ASXL2: variants seen among roughly 807,000 people sequenced by gnomAD.
ASXL2 encodes ASXL transcriptional regulator 2, also known as putative Polycomb group protein ASXL2.
ASXL2 carries 23 observed loss-of-function variants against 122.0 expected under a neutral mutation model. The observed-to-expected ratio is 0.19, with a 90% CI of 0.14 to 0.27. The LOEUF is 0.27. ASXL2 is among the 10% of genes least tolerant of loss of function. The pLI is 1.00. For missense variants in ASXL2, 1,518 were observed against 1,713.8 expected (o/e 0.89, Z 2.02); for synonymous variants, 650 against 637.0 (o/e 1.02, Z -0.31).
chr2:25,752,368 C>T (rs1445137507), intron 11 of ASXL2, among the ~76,000 whole-genome samples: 1 of 152,148 alleles, frequency 6.6e-6, no homozygotes, highest in African/African-American at 2.4e-5. Flanking sequence ...TAGGCTACAG[C>T]CTCTTTTAAA....
chr2:25,791,404 T>C (rs1409205993), intron 5 of ASXL2, among the ~76,000 whole-genome samples: 1 of 151,810 alleles, frequency 6.6e-6, no homozygotes, highest in Non-Finnish European at 1.5e-5. Context: ...GGAGAATAGC[T>C]TGAACCCACG....
At chr2:25,838,503 A>C (rs968564471) in intron 2 of ASXL2, among the ~76,000 whole-genome samples, 1 of 152,232 alleles carries the variant, frequency 6.6e-6, no homozygotes, top group African/African-American at 2.4e-5. Flanking sequence ...ATCAATGCCC[A>C]AAATCCCAGA....
In ASXL2 at chr2:25,815,229, T is replaced by A. The variant is rs1277284131; in HGVS notation, c.144-8892A>T. Among the ~76,000 whole-genome samples the A allele has an allele frequency of 2.0e-5, 3 of 152,260 alleles. No homozygotes were observed. In the East Asian group the frequency reaches 5.8e-4, roughly 29 times the overall value. On this transcript the variant is annotated intron_variant, in intron 3 of 12. Coordinates refer to ENST00000435504, the MANE Select transcript of ASXL2 (RefSeq NM_018263.6). ...ATATCATAATGTTCTTAGTATAAAG[T>A]ACAAAATTATCAAAATAATCTGACC...
chr2:25,878,294 C>A lies in ASXL2; in HGVS notation c.-72G>T. On this transcript the variant is annotated 5_prime_UTR_variant, in exon 1 of 13. Coordinates refer to ENST00000435504, the MANE Select transcript of ASXL2 (RefSeq NM_018263.6). ...CGCCCTCCCTGCCTGCTCTGCCCTG[C>A]GCTGCTTTTCCCGCGGTGCCGGGAA... 6.6e-7 allele frequency: 1 copy of A among 1,523,936 alleles called. No homozygotes were observed. The highest frequency in any genetic ancestry group is 1.7e-5 in the Admixed American group (1 of 57,256). 94.4% of individuals were successfully genotyped at this position (1,523,936 alleles called of 1,614,324 possible). A position where few individuals can be genotyped will look rare whatever the true frequency, so the allele number is the denominator to read the frequency against.
chr2:25,740,761 G>A lies in ASXL2; in HGVS notation c.*1268C>T, dbSNP rs2087814140. The A allele has an allele frequency of 4.9e-6, 1 of 203,754 alleles. No individual in the cohort carries two copies. The highest frequency in any genetic ancestry group is 1.0e-5 in the Non-Finnish European group (1 of 99,552). 12.6% of individuals were successfully genotyped at this position (203,754 alleles called of 1,614,324 possible). A position where few individuals can be genotyped will look rare whatever the true frequency, so the allele number is the denominator to read the frequency against. On this transcript the variant is annotated 3_prime_UTR_variant, in exon 13 of 13. Transcript: ENST00000435504. The stretch of plus-strand genomic sequence containing the variant: ...TTCCATTAGAAATTTCTAGTGCTCA[G>A]ACAGCAGTAATCCAAACAAGGGCTA...
rs373227337 is a variant in ASXL2, at chr2:25,767,743, C to A, written c.632-17G>T. ...CCCATGTTGCTAGGAGAAAAAAATA[C>A]GTATAAAGACTGGTAGCACTGAGAT... On this transcript the variant is annotated splice_polypyrimidine_tract_variant and intron_variant, in intron 7 of 12. Coordinates refer to ENST00000435504, the MANE Select transcript of ASXL2 (RefSeq NM_018263.6). 1.2e-4 allele frequency: 190 copies of A among 1,612,798 alleles called. No homozygotes were observed. In the Middle Eastern group the frequency reaches 1.5e-3, roughly 13 times the overall value.
At chr2:25,767,799 A>C in intron 7 of ASXL2, 73 bp from the exon 8 acceptor site, 1 of 1,536,122 alleles carries the variant, frequency 6.5e-7, no homozygotes, top group Non-Finnish European at 8.9e-7. Context: ...CAATCATTCA[A>C]CATTCACTAA....
intron 3 of ASXL2, among the ~76,000 whole-genome samples, chr2:25,815,274 C>T (rs769443331): frequency 6.6e-6 from 1 of 152,040 alleles, no homozygotes; most frequent in Non-Finnish European, 1.5e-5. Context: ...ATAATCTGAC[C>T]TTGACCATTC....
At chr2:25,814,236 G>A (rs889903745) in intron 3 of ASXL2, among the ~76,000 whole-genome samples, 1 of 152,008 alleles carries the variant, frequency 6.6e-6, no homozygotes. Context: ...AAAGAATCCG[G>A]GCAGTTTATT....
chr2:25,794,383 G>A (rs1009991206), intron 5 of ASXL2, among the ~76,000 whole-genome samples: 4 of 152,022 alleles, frequency 2.6e-5, no homozygotes, highest in African/African-American at 9.7e-5. Flanking sequence ...TGGGGAAAAG[G>A]CAGAGACTTC....
chr2:25,801,794 C>G (rs1032946769), intron 4 of ASXL2, among the ~76,000 whole-genome samples: 1 of 152,260 alleles, frequency 6.6e-6, no homozygotes, highest in East Asian at 1.9e-4. Flanking sequence ...CTGAGTATTT[C>G]TTCCAAACAA....
chr2:25,746,464 C>T (rs748156346), intron 12 of ASXL2, among the ~76,000 whole-genome samples: 3 of 150,194 alleles, frequency 2.0e-5, no homozygotes, highest in Non-Finnish European at 4.4e-5. Flanking sequence ...CAGTTATTGT[C>T]CCTTATTTAT....
Position 25,742,558 on chromosome 2 carries a change from G to C in ASXL2, c.3779C>G (p.Thr1260Ser). 6.2e-7 allele frequency: 1 copy of C among 1,614,000 alleles called. No homozygotes were observed. The highest frequency in any genetic ancestry group is 1.1e-5 in the South Asian group (1 of 91,076). ...FTRGQTFDEK[T>S]LARDLIQAAQ... ...TGCCTGAATTAAATCTCTGGCTAGG[G>C]TCTTTTCATCAAATGTTTGGCCTCT... The change falls in exon 13 of 13, where the codon ACC (threonine) becomes AGC (serine). Residue 1260 changes from threonine to serine, a missense_variant. By Grantham distance (58) the Thr-to-Ser change is moderately conservative (BLOSUM62 1). Coordinates refer to ENST00000435504, the MANE Select transcript of ASXL2 (RefSeq NM_018263.6).
At chr2:25,829,194 C>T (rs1484359262) in intron 3 of ASXL2, among the ~76,000 whole-genome samples, 1 of 151,562 alleles carries the variant, frequency 6.6e-6, no homozygotes, top group East Asian at 1.9e-4. Context: ...CCCAGAAGGT[C>T]GAGGCTGCAG....
intron 3 of ASXL2, among the ~76,000 whole-genome samples, chr2:25,809,215 T>C (rs1373180636): frequency 6.6e-6 from 1 of 152,078 alleles, no homozygotes; most frequent in Non-Finnish European, 1.5e-5. Context: ...TGATCCATTC[T>C]GCAGGCAGTT....
At chr2:25,837,841 G>A (rs2149189540) in intron 2 of ASXL2, among the ~76,000 whole-genome samples, 2 of 151,830 alleles carry the variant, frequency 1.3e-5, no homozygotes, top group Middle Eastern at 6.8e-3. Flanking sequence ...AGGCGGCCAG[G>A]TGCAGTGGCT....
chr2:25,776,035 A>G (rs2088541141), intron 5 of ASXL2, among the ~76,000 whole-genome samples: 2 of 152,230 alleles, frequency 1.3e-5, no homozygotes, highest in African/African-American at 4.8e-5. Context: ...CTAGTAAGCT[A>G]ACAAAATTAA....
intron 5 of ASXL2, among the ~76,000 whole-genome samples, chr2:25,777,140 G>A (rs1225638674): frequency 1.3e-5 from 2 of 152,128 alleles, no homozygotes; most frequent in Non-Finnish European, 2.9e-5. Flanking sequence ...CCAGGCTGGA[G>A]TGCAGTGACA....
intron 3 of ASXL2, among the ~76,000 whole-genome samples, chr2:25,807,538 T>C (rs1056865213): frequency 1.3e-5 from 2 of 152,198 alleles, no homozygotes; most frequent in African/African-American, 2.4e-5. Context: ...TAAAAATGTA[T>C]ATAATGTAAT....
Sources: gnomAD v4.1 joint callset for allele counts (sites outside exome capture counted in the v4.1 genomes callset) on GRCh38, gnomAD v4.1.1 for gene constraint, MANE v1.5 for transcripts, NCBI Gene and HGNC (gene_info 2026-07-23, HGNC 2026-07-21) for gene names.